PCDH9: variants seen among roughly 807,000 people sequenced by gnomAD.
The protein encoded by PCDH9 is protocadherin 9.
PCDH9 carries 24 observed loss-of-function variants against 70.6 expected under a neutral mutation model. The observed-to-expected ratio is 0.34, with a 90% CI of 0.25 to 0.48. PCDH9 has a LOEUF of 0.48. Among genes scored for constraint, PCDH9 ranks in the 20% least tolerant of loss-of-function variants. The pLI is 0.99. For missense variants in PCDH9, 1,281 were observed against 1,503.6 expected, an observed-to-expected ratio of 0.85 and a Z score of 2.45; for synonymous variants, 562 against 558.5, an observed-to-expected ratio of 1.01 and a Z score of -0.09.
At chr13:66,717,057 T>C (rs769189980) in intron 3 of PCDH9, among the ~76,000 whole-genome samples, 28 of 152,130 alleles carry the variant, frequency 1.8e-4, no homozygotes, top group Non-Finnish European at 4.1e-4. Flanking sequence ...ATTCTGATAT[T>C]AGAGCTTAAT....
chr13:67,154,295 A>C (rs1351045988), intron 2 of PCDH9, among the ~76,000 whole-genome samples: 26 of 152,018 alleles, frequency 1.7e-4, no homozygotes, highest in Non-Finnish European at 2.9e-5. Flanking sequence ...TTAGATAAAA[A>C]GAAGTGATTA....
chr13:67,122,153 G>A (rs571439733), intron 2 of PCDH9, among the ~76,000 whole-genome samples: 4 of 152,270 alleles, frequency 2.6e-5, no homozygotes, highest in Admixed American at 2.6e-4. Flanking sequence ...TAAGCTGTAA[G>A]CATTCTCCTC....
intron 2 of PCDH9, among the ~76,000 whole-genome samples, chr13:67,003,632 A>G (rs2084289211): frequency 6.6e-6 from 1 of 152,198 alleles, no homozygotes. Context: ...AACAACTTAA[A>G]TGAAGATGAA....
At chr13:66,532,524 T>C (rs1387991573) in intron 4 of PCDH9, among the ~76,000 whole-genome samples, 2 of 152,106 alleles carry the variant, frequency 1.3e-5, no homozygotes. Context: ...ATTGTCAAAA[T>C]ACATATTTGA....
At chr13:66,377,064 AT>A (rs1216655448) in intron 4 of PCDH9, among the ~76,000 whole-genome samples, 1 of 152,184 alleles carries the variant, frequency 6.6e-6, no homozygotes, top group African/African-American at 2.4e-5. Context: ...TACGGAGAGA[AT>A]TTGTGTTTTG....
chr13:66,773,715 T>TG (rs886621107), intron 3 of PCDH9, among the ~76,000 whole-genome samples: 1 of 151,642 alleles, frequency 6.6e-6, no homozygotes, highest in Non-Finnish European at 1.5e-5. Context: ...ATGTGACTAG[T>TG]GGCTACTGTA....
intron 2 of PCDH9, 68 bp from the exon 3 acceptor site, chr13:66,903,673 C>G: frequency 1.5e-6 from 1 of 682,466 alleles, no homozygotes; most frequent in Non-Finnish European, 2.6e-6. Context: ...AGAGACATGG[C>G]TGTTTGCTAT....
intron 4 of PCDH9, among the ~76,000 whole-genome samples, chr13:66,335,612 G>T (rs1956024855): frequency 6.6e-6 from 1 of 152,016 alleles, no homozygotes; most frequent in Non-Finnish European, 1.5e-5. Flanking sequence ...ACATTAATTT[G>T]TATAAAAGAA....
intron 3 of PCDH9, among the ~76,000 whole-genome samples, chr13:66,700,910 G>A (rs1232061245): frequency 9.1e-6 from 1 of 110,150 alleles, no homozygotes. Context: ...GAAAATATAT[G>A]TGTGTACATA....
chr13:67,157,366 A>C (rs2087842220), intron 2 of PCDH9, among the ~76,000 whole-genome samples: 1 of 152,238 alleles, frequency 6.6e-6, no homozygotes, highest in South Asian at 2.1e-4. Flanking sequence ...TAAAATTTGC[A>C]TGCCTTTAAG....
At position 66,968,306 on chromosome 13, in the gene PCDH9, C is replaced by G. The variant is rs527823312; in HGVS notation, c.3037-64701G>C. On this transcript the variant is annotated intron_variant, in intron 2 of 4. Coordinates refer to ENST00000377865, the MANE Select transcript of PCDH9 (RefSeq NM_203487.3). The stretch of plus-strand genomic sequence containing the variant: ...TCCAAAACATTACATTATCTTCAAG[C>G]TACTCTGATCAGGGCAGACAACTAT... 2.0e-5 allele frequency among the ~76,000 whole-genome samples: 3 copies of G among 152,054 alleles called. No homozygotes were observed. The South Asian group carries it at 6.2e-4, about 32-fold the overall frequency.
At chr13:67,072,390 T>A (rs1362898358) in intron 2 of PCDH9, among the ~76,000 whole-genome samples, 1 of 152,166 alleles carries the variant, frequency 6.6e-6, no homozygotes, top group South Asian at 2.1e-4. Flanking sequence ...CCCTGCATTT[T>A]TCCCATTAGA....
chr13:66,745,573 A>C (rs1470488788), intron 3 of PCDH9, among the ~76,000 whole-genome samples: 2 of 152,176 alleles, frequency 1.3e-5, no homozygotes, highest in African/African-American at 4.8e-5. Flanking sequence ...TGTTGGGAAC[A>C]GTGGGAGAGC....
chr13:66,868,684 T>A (rs2081617689), intron 3 of PCDH9, among the ~76,000 whole-genome samples: 1 of 152,092 alleles, frequency 6.6e-6, no homozygotes, highest in South Asian at 2.1e-4. Context: ...TGAAATAAAT[T>A]TGCAGTAAAG....
At chr13:67,040,974 G>A (rs890125555) in intron 2 of PCDH9, among the ~76,000 whole-genome samples, 1 of 152,004 alleles carries the variant, frequency 6.6e-6, no homozygotes, top group African/African-American at 2.4e-5. Flanking sequence ...CATGGCTGAA[G>A]AAAGAAATTG....
Position 66,456,510 on chromosome 13 carries a change from C to T in PCDH9, c.3341-151482G>A, listed in dbSNP as rs189762154. 2.3e-3 allele frequency among the ~76,000 whole-genome samples: 346 copies of T among 152,210 alleles called. 2 individuals are homozygous for T. Among genetic ancestry groups the T allele is most frequent in the African/African-American group, 8.0e-3 (333 of 41,550 alleles). On this transcript the variant is annotated intron_variant, in intron 4 of 4. Coordinates refer to ENST00000377865, the MANE Select transcript of PCDH9 (RefSeq NM_203487.3). ...TTCTGGCCTCAAGCAATCTTCCCAC[C>T]TCAACCCCTAAATTGCAGGGATTAC...
At chr13:66,821,417 T>C (rs1594103694) in intron 3 of PCDH9, among the ~76,000 whole-genome samples, 1 of 152,168 alleles carries the variant, frequency 6.6e-6, no homozygotes, top group African/African-American at 2.4e-5. Flanking sequence ...ATAAGCTAAA[T>C]GGACCATTTT....
chr13:67,016,004 G>A (rs530085349), intron 2 of PCDH9, among the ~76,000 whole-genome samples: 53 of 152,230 alleles, frequency 3.5e-4, no homozygotes, highest in South Asian at 2.3e-3. Context: ...TATTTTAAGA[G>A]TGAATTTCAG....
In PCDH9 at chr13:66,468,309, T is replaced by C. The variant is rs539751650; in HGVS notation, c.3340+162901A>G. Among the ~76,000 whole-genome samples the C allele has an allele frequency of 3.3e-5, 5 of 152,186 alleles. No homozygotes were observed. The East Asian group carries it at 9.7e-4, about 29-fold the overall frequency. On this transcript the variant is annotated intron_variant, in intron 4 of 4. Coordinates refer to ENST00000377865, the MANE Select transcript of PCDH9 (RefSeq NM_203487.3). ...TAAAAATCAATTGAAAAACAGTCTA[T>C]TCTCACTATCTTTCCTGTCACCACC...
Sources: gnomAD v4.1 joint callset for allele counts (sites outside exome capture counted in the v4.1 genomes callset) on GRCh38, gnomAD v4.1.1 for gene constraint, MANE v1.5 for transcripts, NCBI Gene and HGNC (gene_info 2026-07-23, HGNC 2026-07-21) for gene names.